KLF8: variants seen among roughly 807,000 people sequenced by gnomAD.
KLF8 encodes KLF transcription factor 8, also known as Krueppel-like factor 8.
A neutral mutation model predicts 18.2 loss-of-function variants in KLF8; 10 were observed. The ratio of observed to expected loss-of-function variants is 0.55; its 90% confidence interval spans 0.34 to 0.93. The LOEUF (loss-of-function observed/expected upper bound fraction) is 0.93. KLF8 is among the 40% of genes least tolerant of loss of function. The pLI, the probability that KLF8 is intolerant of heterozygous loss-of-function variation, is 0.02. For synonymous variants in KLF8, 109 were observed against 97.3 expected, an observed-to-expected ratio of 1.12 and a Z score of -0.71; for missense variants, 264 against 277.9, an observed-to-expected ratio of 0.95 and a Z score of 0.36.
the KLF8 span, among the ~76,000 whole-genome samples, chrX:56,172,046 C>A: frequency 1.8e-5 from 2 of 110,848 alleles, no homozygotes; most frequent in Non-Finnish European, 3.8e-5. Flanking sequence ...TGTTTCCTGA[C>A]TTTTTAATGA....
At chrX:55,940,384 A>G in the KLF8 span, among the ~76,000 whole-genome samples, 1 of 111,873 alleles carries the variant, frequency 8.9e-6, no homozygotes, top group Non-Finnish European at 1.9e-5. Context: ...ATCTCAAAAT[A>G]ATAAGAGCTA....
At chrX:56,012,922 G>A in the KLF8 span, among the ~76,000 whole-genome samples, 1 of 111,682 alleles carries the variant, frequency 9.0e-6, no homozygotes, top group Non-Finnish European at 1.9e-5. Context: ...TAAGCAAAAA[G>A]AACAAAGCTG....
the KLF8 span, among the ~76,000 whole-genome samples, chrX:55,980,813 G>A: frequency 4.5e-5 from 5 of 112,093 alleles, no homozygotes; most frequent in South Asian, 3.7e-4. Flanking sequence ...ATAAGTGTGC[G>A]AACTGTTATT....
chrX:55,927,841 T>C, the KLF8 span, among the ~76,000 whole-genome samples: 1 of 111,749 alleles, frequency 8.9e-6, no homozygotes, highest in African/African-American at 3.3e-5. Context: ...CCCCAGCCTG[T>C]GGATTGTCTA....
chrX:56,007,583 G>A, the KLF8 span, among the ~76,000 whole-genome samples: 1 of 111,074 alleles, frequency 9.0e-6, no homozygotes, highest in African/African-American at 3.3e-5. Flanking sequence ...ATGCCTTAGA[G>A]GTTTCCTGTC....
At chrX:56,126,968 G>A in the KLF8 span, among the ~76,000 whole-genome samples, 1 of 108,324 alleles carries the variant, frequency 9.2e-6, no homozygotes, top group African/African-American at 3.4e-5. Flanking sequence ...GGCTAGGCTG[G>A]TCTCGACCTC....
At chrX:56,121,322 C>A in the KLF8 span, among the ~76,000 whole-genome samples, 1 of 110,171 alleles carries the variant, frequency 9.1e-6, no homozygotes, top group Admixed American at 9.6e-5. Flanking sequence ...GAGAGAAGGG[C>A]TGGAAAGGAA....
the KLF8 span, among the ~76,000 whole-genome samples, chrX:56,002,966 C>T: frequency 4.5e-5 from 5 of 112,331 alleles, 1 homozygote; most frequent in Admixed American, 4.7e-4. Flanking sequence ...GATAGTGATA[C>T]AAGGAGAAGT....
chrX:56,176,052 T>A, the KLF8 span, among the ~76,000 whole-genome samples: 3 of 111,977 alleles, frequency 2.7e-5, no homozygotes, highest in East Asian at 2.8e-4. Flanking sequence ...TCTTTATCCA[T>A]TTTGCCACTT....
chrX:56,045,796 A>G, the KLF8 span, among the ~76,000 whole-genome samples: 11 of 111,208 alleles, frequency 9.9e-5, no homozygotes, highest in Non-Finnish European at 1.7e-4. Flanking sequence ...CAGATCTAGG[A>G]GCTTTTTGGA....
chrX:55,962,155 A>G, the KLF8 span: 3 of 152,168 alleles, frequency 2.0e-5, no homozygotes, highest in African/African-American at 9.6e-5. Context: ...CCTCCCCTCA[A>G]TGGAGCCCAG....
At chrX:56,125,732 T>G in the KLF8 span, among the ~76,000 whole-genome samples, 1 of 112,232 alleles carries the variant, frequency 8.9e-6, no homozygotes, top group Non-Finnish European at 1.9e-5. Flanking sequence ...ATCTAGTTTA[T>G]GGGGAAGAGT....
At chrX:56,172,460 A>G in the KLF8 span, among the ~76,000 whole-genome samples, 1 of 111,624 alleles carries the variant, frequency 9.0e-6, no homozygotes, top group Admixed American at 9.6e-5. Flanking sequence ...GCTGCATAGT[A>G]TTCCTTGGTG....
chrX:56,022,849 TA>T, the KLF8 span, among the ~76,000 whole-genome samples: 1 of 110,928 alleles, frequency 9.0e-6, no homozygotes, highest in Non-Finnish European at 1.9e-5. Flanking sequence ...TAGACCTGAC[TA>T]AAAGCTCCCC....
At chrX:56,181,960 A>T in the KLF8 span, among the ~76,000 whole-genome samples, 1 of 110,854 alleles carries the variant, frequency 9.0e-6, no homozygotes, top group Admixed American at 9.6e-5. Context: ...CTTTTTGAGG[A>T]GTATCTTCGT....
At chrX:56,165,628 A>T in the KLF8 span, among the ~76,000 whole-genome samples, 4 of 111,829 alleles carry the variant, frequency 3.6e-5, no homozygotes, top group Admixed American at 3.8e-4. Context: ...ATATTTTGGG[A>T]GGCTGAGTTG....
chrX:56,099,819 C>T, the KLF8 span, among the ~76,000 whole-genome samples: 1 of 111,690 alleles, frequency 9.0e-6, no homozygotes, highest in Non-Finnish European at 1.9e-5. Context: ...AAGTTGGAAA[C>T]CAGAATGATG....
intron 1 of KLF8, among the ~76,000 whole-genome samples, chrX:56,235,834 T>A (rs1235003770): frequency 1.8e-5 from 2 of 112,372 alleles, no homozygotes; most frequent in Non-Finnish European, 3.8e-5. Context: ...AAGGAAAGCA[T>A]TGAACTCAGT....
At chrX:56,088,563 C>A in the KLF8 span, among the ~76,000 whole-genome samples, 1 of 111,726 alleles carries the variant, frequency 9.0e-6, no homozygotes, top group Non-Finnish European at 1.9e-5. Flanking sequence ...TATTTCATCA[C>A]ATACTTTCCT....
Sources: allele counts gnomAD v4.1 joint callset (sites outside exome capture counted in the v4.1 genomes callset), GRCh38; gene constraint gnomAD v4.1.1; transcripts MANE v1.5; gene names NCBI Gene and HGNC (gene_info 2026-07-23, HGNC 2026-07-21).